GABPB1: variants seen among roughly 807,000 people sequenced by gnomAD.
GABPB1 encodes the protein GA-binding protein subunit beta-1.
A neutral mutation model predicts 45.9 loss-of-function variants in GABPB1; 15 were observed. The ratio of observed to expected loss-of-function variants is 0.33; its 90% CI spans 0.22 to 0.50. The LOEUF (loss-of-function observed/expected upper bound fraction) is 0.50, where lower values mean the gene tolerates loss of function less well. Among genes scored for constraint, GABPB1 ranks in the 20% least tolerant of loss-of-function variants. The pLI is 0.98. For missense variants in GABPB1, 252 were observed against 457.5 expected (o/e 0.55, Z 4.10); for synonymous variants, 143 against 154.4 (o/e 0.93, Z 0.55).
chr15:50,341,787 C>T (rs2048383726), intron 1 of GABPB1, among the ~76,000 whole-genome samples: 1 of 152,146 alleles, frequency 6.6e-6, no homozygotes, highest in Non-Finnish European at 1.5e-5. Context: ...TATATTTCAT[C>T]ACTAGAGGAA....
chr15:50,332,566 A>G (rs998985366), intron 1 of GABPB1, among the ~76,000 whole-genome samples: 1 of 152,138 alleles, frequency 6.6e-6, no homozygotes, highest in South Asian at 2.1e-4. Context: ...CTTTAAGCCC[A>G]TATCTTTTAT....
At chr15:50,333,294 C>CAT (rs1234385315) in intron 1 of GABPB1, among the ~76,000 whole-genome samples, 1 of 152,140 alleles carries the variant, frequency 6.6e-6, no homozygotes, top group Non-Finnish European at 1.5e-5. Context: ...GACCTCGTCT[C>CAT]TACAAATAAT....
chr15:50,301,807 C>T (rs529557817), intron 4 of GABPB1, among the ~76,000 whole-genome samples: 83 of 152,170 alleles, frequency 5.5e-4, no homozygotes, highest in African/African-American at 1.9e-3. Context: ...TATTTCTGCC[C>T]TGTAGCTATA....
rs796246086 is a variant in GABPB1, at chr15:50,346,790, C to CTTT, written c.-1+8192_-1+8194dup. Among the ~76,000 whole-genome samples the CTTT allele has an allele frequency of 3.0e-3, 395 of 133,366 alleles. 11 individuals are homozygous for CTTT. The highest frequency in any genetic ancestry group is 0.012 in the Middle Eastern group (3 of 258). 87.5% of individuals were successfully genotyped at this position (133,366 alleles called of 152,430 possible). ...AAAGAGCTAACAAGCTGTCTGGAGT[C>CTTT]TTTTTTTTTTTTTTTGAGACAGAGT... On this transcript the variant is annotated intron_variant, in intron 1 of 8. Transcript: ENST00000380877.
At chr15:50,290,265 A>G (rs1230930108) in intron 6 of GABPB1, among the ~76,000 whole-genome samples, 1 of 152,174 alleles carries the variant, frequency 6.6e-6, no homozygotes, top group South Asian at 2.1e-4. Flanking sequence ...TAGATCTAAT[A>G]TCATGACAAA....
In GABPB1 at chr15:50,304,157, A is replaced by T. The variant is rs1299240855; in HGVS notation, c.109-24T>A. 3.3e-6 allele frequency: 5 copies of T among 1,535,606 alleles called. No homozygotes were observed. In the African/African-American group the frequency reaches 4.2e-5, roughly 13 times the overall value. ...AGCTGTACCACAGAAAAAAAAAAAA[A>T]TCCACATTTACATTATTGTTACTAC... On this transcript the variant is annotated intron_variant, in intron 2 of 8. Transcript: ENST00000380877.
At chr15:50,307,241 T>G (rs902268266) in intron 2 of GABPB1, among the ~76,000 whole-genome samples, 3 of 152,330 alleles carry the variant, frequency 2.0e-5, no homozygotes, top group South Asian at 4.1e-4. Context: ...TCAACTGTTT[T>G]TGCTAATCTG....
chr15:50,336,915 T>C (rs1363334981), intron 1 of GABPB1, among the ~76,000 whole-genome samples: 1 of 147,486 alleles, frequency 6.8e-6, no homozygotes, highest in Non-Finnish European at 1.5e-5. Flanking sequence ...CATGGTGGTG[T>C]GTGCCTGTAG....
intron 8 of GABPB1, among the ~76,000 whole-genome samples, chr15:50,279,575 T>A (rs1016517773): frequency 2.6e-5 from 4 of 152,370 alleles, no homozygotes; most frequent in African/African-American, 9.6e-5. Context: ...TTGTTTCTCC[T>A]CTTCCTCCTC....
chr15:50,348,068 A>G (rs930168309), intron 1 of GABPB1, among the ~76,000 whole-genome samples: 1 of 144,026 alleles, frequency 6.9e-6, no homozygotes, highest in Non-Finnish European at 1.5e-5. Context: ...AATCACTACT[A>G]TAGTAAACCA....
At chr15:50,331,857 AG>A (rs2047957984) in intron 1 of GABPB1, among the ~76,000 whole-genome samples, 1 of 148,792 alleles carries the variant, frequency 6.7e-6, no homozygotes, top group Non-Finnish European at 1.5e-5. Flanking sequence ...TGTCCCGTTC[AG>A]TTTTTTTTTT....
intron 4 of GABPB1, among the ~76,000 whole-genome samples, chr15:50,301,686 A>AG (rs2046752635): frequency 1.3e-5 from 2 of 152,210 alleles, no homozygotes; most frequent in African/African-American, 4.8e-5. Context: ...CCAGCTATTC[A>AG]GGGGGCTGAG....
intron 1 of GABPB1, among the ~76,000 whole-genome samples, chr15:50,342,349 A>G (rs2048405412): frequency 6.6e-6 from 1 of 151,702 alleles, no homozygotes; most frequent in African/African-American, 2.4e-5. Flanking sequence ...CCCTTATAGG[A>G]GTAAAGGCTA....
chr15:50,339,139 T>C (rs2048251046), intron 1 of GABPB1, among the ~76,000 whole-genome samples: 1 of 152,024 alleles, frequency 6.6e-6, no homozygotes, highest in South Asian at 2.1e-4. Flanking sequence ...GTCAACATGG[T>C]GAAACCCTGT....
At chr15:50,280,765 AAAAC>A (rs985370238) in intron 8 of GABPB1, among the ~76,000 whole-genome samples, 20 of 152,200 alleles carry the variant, frequency 1.3e-4, no homozygotes, top group African/African-American at 4.8e-4. Flanking sequence ...GAAAAAAGAG[AAAAC>A]AAACAAAAAC....
intron 1 of GABPB1, among the ~76,000 whole-genome samples, chr15:50,333,856 C>T (rs2048027063): frequency 6.6e-6 from 1 of 151,824 alleles, no homozygotes; most frequent in African/African-American, 2.4e-5. Flanking sequence ...TAGTAAAACC[C>T]CATCTCTACT....
rs1349386431 is a variant in GABPB1 at position 50,342,161 on chromosome 15, TAA to T, written c.-1+12822_-1+12823del. Among the ~76,000 whole-genome samples the T allele has an allele frequency of 1.5e-4, 23 of 152,340 alleles. No homozygotes were observed. In the East Asian group the frequency reaches 4.4e-3, roughly 29 times the overall value. On this transcript the variant is annotated intron_variant, in intron 1 of 8. Transcript: ENST00000380877. ...GCAGTTCAGACATTACCTCCTCCGA[TAA>T]GTTTCCCTTGACCTCAGCAAAATGA...
chr15:50,351,068 A>G (rs2048801839), intron 1 of GABPB1: 1 of 152,236 alleles, frequency 6.6e-6, no homozygotes, highest in Admixed American at 6.5e-5. Flanking sequence ...GAGAAAAATT[A>G]AGGTCCGTTC....
intron 1 of GABPB1, among the ~76,000 whole-genome samples, chr15:50,337,829 C>T (rs1237773195): frequency 6.6e-6 from 1 of 152,104 alleles, no homozygotes; most frequent in Non-Finnish European, 1.5e-5. Flanking sequence ...TACCCAAATC[C>T]TTACTAACTT....
Sources: allele counts gnomAD v4.1 joint callset (sites outside exome capture counted in the v4.1 genomes callset), GRCh38; gene constraint gnomAD v4.1.1; transcripts MANE v1.5; gene names NCBI Gene and HGNC (gene_info 2026-07-23, HGNC 2026-07-21).